PRKD3: variants seen among roughly 807,000 people sequenced by gnomAD.
The protein encoded by PRKD3 is protein kinase D3, also known as serine/threonine-protein kinase D3.
A neutral mutation model predicts 99.2 loss-of-function variants in PRKD3; 47 were observed. The ratio of observed to expected loss-of-function variants is 0.47; its 90% confidence interval spans 0.38 to 0.60. The LOEUF (loss-of-function observed/expected upper bound fraction) is 0.60, where lower values mean the gene tolerates loss of function less well. PRKD3 is among the 20% of genes least tolerant of loss of function. The pLI, the probability that PRKD3 is intolerant of heterozygous loss-of-function variation, is 0.00. For synonymous variants in PRKD3, 392 were observed against 355.4 expected (o/e 1.10, Z -1.16); for missense variants, 1,019 against 1,088.4 (o/e 0.94, Z 0.90).
intron 5 of PRKD3, among the ~76,000 whole-genome samples, chr2:37,287,596 T>C (rs75327116): frequency 0.033 from 4,997 of 151,964 alleles, 105 homozygotes; most frequent in Non-Finnish European, 0.048. Context: ...TCTGTTCATA[T>C]AGCTAGATGG....
Position 37,260,517 on chromosome 2 carries a change from A to G in PRKD3, c.1885-133T>C, listed in dbSNP as rs1002906581. 9.7e-6 allele frequency: 8 copies of G among 822,018 alleles called. No individual in the cohort carries two copies. The African/African-American group carries it at 1.4e-4, about 14-fold the overall frequency. 50.9% of individuals were successfully genotyped at this position (822,018 alleles called of 1,614,324 possible). ...AAGTAAACAAAGCAAACAAAATAAA[A>G]ATTACAATCAATGAAAAGGATCTTA... On this transcript the variant is annotated intron_variant, in intron 14 of 18. Coordinates refer to ENST00000234179, the MANE Select transcript of PRKD3 (RefSeq NM_005813.6).
At position 37,286,378 on chromosome 2, in the gene PRKD3, T is replaced by C; in HGVS notation, c.718-9A>G. 1 of 1,609,988 alleles carries C rather than the reference T, an allele frequency of 6.2e-7. No homozygotes were observed. The highest frequency in any genetic ancestry group is 8.5e-7 in the Non-Finnish European group (1 of 1,176,702). ...TCCTGGTGGACATGTGACTATAACATAAGTAATTTTCATAAGTGTAAGTCA... is the reference window on the plus strand; with the variant it reads ...TCCTGGTGGACATGTGACTATAACACAAGTAATTTTCATAAGTGTAAGTCA... On this transcript the variant is annotated splice_polypyrimidine_tract_variant and intron_variant, in intron 5 of 18. Transcript: ENST00000234179.
At chr2:37,268,354 ACTC>A in intron 13 of PRKD3, 1 of 470,810 alleles carries the variant, frequency 2.1e-6, no homozygotes, top group Non-Finnish European at 4.4e-6. Flanking sequence ...AGATGTAACT[ACTC>A]TTAAAACTGA....
chr2:37,273,069 G>A (rs1669378412), intron 11 of PRKD3, among the ~76,000 whole-genome samples: 2 of 152,150 alleles, frequency 1.3e-5, no homozygotes, highest in South Asian at 2.1e-4. Flanking sequence ...TACTTTTGGT[G>A]AGTGGAAGAG....
chr2:37,255,005 T>G (rs941949795), intron 17 of PRKD3, among the ~76,000 whole-genome samples: 1 of 152,188 alleles, frequency 6.6e-6, no homozygotes, highest in East Asian at 1.9e-4. Context: ...ATTTGAAATA[T>G]TGGTAACAAA....
chr2:37,269,499 CT>C, intron 13 of PRKD3, 115 bp downstream of exon 13: 1 of 830,602 alleles, frequency 1.2e-6, no homozygotes, highest in Non-Finnish European at 2.0e-6. Flanking sequence ...ACAAGTCAGC[CT>C]TTAAAAAAAA....
intron 11 of PRKD3, among the ~76,000 whole-genome samples, chr2:37,272,934 T>C (rs1179199086): frequency 6.7e-6 from 1 of 150,162 alleles, no homozygotes; most frequent in East Asian, 2.0e-4. Flanking sequence ...AAGTTATGAT[T>C]TGCGCACTGC....
intron 12 of PRKD3, among the ~76,000 whole-genome samples, chr2:37,270,119 C>T (rs998241281): frequency 2.6e-5 from 4 of 151,636 alleles, no homozygotes; most frequent in Admixed American, 1.3e-4. Context: ...CCTAGCTACT[C>T]GGGAGGCTGA....
intron 12 of PRKD3, among the ~76,000 whole-genome samples, chr2:37,270,740 A>G (rs551728373): frequency 1.3e-5 from 2 of 152,362 alleles, no homozygotes; most frequent in South Asian, 2.1e-4. Context: ...AACCATTTTT[A>G]TAAGCCTCCC....
At chr2:37,257,420 C>A (rs1158753301) in intron 16 of PRKD3, among the ~76,000 whole-genome samples, 1 of 152,004 alleles carries the variant, frequency 6.6e-6, no homozygotes, top group East Asian at 1.9e-4. Flanking sequence ...AATCCCAGCA[C>A]TTTGGGAGGC....
chr2:37,309,623 G>A (rs1238089114), intron 2 of PRKD3, among the ~76,000 whole-genome samples: 1 of 152,142 alleles, frequency 6.6e-6, no homozygotes, highest in East Asian at 1.9e-4. Flanking sequence ...GCCAAGGCTG[G>A]CAGATCATGA....
At chr2:37,317,573 C>T (rs6752475) in intron 1 of PRKD3, among the ~76,000 whole-genome samples, 6,766 of 152,100 alleles carry the variant, frequency 0.044, 166 homozygotes, top group African/African-American at 0.051. Context: ...CACCCCACCA[C>T]ACAAAAGATG....
rs369389503 is a variant in PRKD3 at position 37,274,596 on chromosome 2, A to C, written c.1476T>G (p.Thr492=). The part of the protein sequence containing the change: ...NPHCFEIITD[T]MVYFVGENNG... ...TGTTCTCACCAACGAAGTATACCAT[A>C]GTATCAGTAATGATTTCAAAACAGT... The change falls in exon 11 of 19, where the codon ACT becomes ACG. Residue 492 remains threonine (T), a synonymous_variant. Transcript: ENST00000234179. The C allele has an allele frequency of 5.6e-6, 9 of 1,614,012 alleles. No individual in the cohort carries two copies. In the African/African-American group the frequency reaches 1.2e-4, roughly 22 times the overall value.
intron 6 of PRKD3, among the ~76,000 whole-genome samples, chr2:37,285,115 T>A (rs1670031238): frequency 6.7e-6 from 1 of 149,366 alleles, no homozygotes; most frequent in Admixed American, 6.8e-5. Context: ...TACCAAGAAC[T>A]GCTAATTACA....
At chr2:37,274,815 G>T in intron 10 of PRKD3, 118 bp from the exon 11 acceptor site, 1 of 999,920 alleles carries the variant, frequency 1.0e-6, no homozygotes. Context: ...ACACAAGTAT[G>T]CAACATTTAA....
rs1667813440 is a variant in PRKD3 at position 37,254,950 on chromosome 2, G to T, written c.2414-661C>A. On this transcript the variant is annotated intron_variant, in intron 17 of 18. Transcript: ENST00000234179. Reference sequence around the variant, plus strand: ...GGAGAATGATCAATTGCAAAACCAAGGCAACCAATAACTACATACTAACTA... The same window carrying T: ...GGAGAATGATCAATTGCAAAACCAATGCAACCAATAACTACATACTAACTA... Among the ~76,000 whole-genome samples the T allele has an allele frequency of 1.3e-5, 2 of 152,162 alleles. 1 individual carries two copies. The highest frequency in any genetic ancestry group is 4.1e-4 in the South Asian group (2 of 4,828).
intron 6 of PRKD3, among the ~76,000 whole-genome samples, chr2:37,285,323 G>A (rs1274486704): frequency 6.6e-6 from 1 of 152,054 alleles, no homozygotes; most frequent in South Asian, 2.1e-4. Flanking sequence ...ATAACTATAA[G>A]CAAATAATTA....
chr2:37,270,366 A>AAC (rs1553369260), intron 12 of PRKD3, among the ~76,000 whole-genome samples: 29 of 151,758 alleles, frequency 1.9e-4, no homozygotes, highest in African/African-American at 6.8e-4. Context: ...AAAAAAAAAA[A>AAC]AACTCAAAAG....
chr2:37,303,452 A>G (rs1671024752), intron 2 of PRKD3, among the ~76,000 whole-genome samples: 1 of 152,018 alleles, frequency 6.6e-6, no homozygotes, highest in Admixed American at 6.5e-5. Flanking sequence ...TGGATGGCAG[A>G]CCTAAGAGAG....
Sources: gnomAD v4.1 joint callset for allele counts (sites outside exome capture counted in the v4.1 genomes callset) on GRCh38, gnomAD v4.1.1 for gene constraint, MANE v1.5 for transcripts, NCBI Gene and HGNC (gene_info 2026-07-23, HGNC 2026-07-21) for gene names.